Variants in TMEM154 observed in about 807,000 individuals in gnomAD.
The protein encoded by TMEM154 is transmembrane protein 154.
TMEM154 carries 27 observed loss-of-function variants against 24.5 expected under a neutral mutation model. That is an observed-to-expected ratio of 1.10 (90% CI 0.81 to 1.52). The LOEUF is 1.52. Ranked by LOEUF, TMEM154 falls within the 40% of genes most tolerant of loss-of-function variation. TMEM154 has a pLI of 0.00. For synonymous variants in TMEM154, 67 were observed against 76.8 expected (o/e 0.87, Z 0.67); for missense variants, 228 against 213.4 (o/e 1.07, Z -0.43).
At chr4:152,678,889 G>C (rs1446120659) in intron 1 of TMEM154, among the ~76,000 whole-genome samples, 1 of 152,198 alleles carries the variant, frequency 6.6e-6, no homozygotes, top group Non-Finnish European at 1.5e-5. Context: ...GGGGTGGCTG[G>C]GTGCTGGCTG....
rs149155097 is a variant in TMEM154, at chr4:152,665,236, G to A, written c.65-12309C>T. Among the ~76,000 whole-genome samples, 44 of 152,228 alleles carry A rather than the reference G, an allele frequency of 2.9e-4. No homozygotes were observed. The East Asian group carries it at 8.3e-3, about 29-fold the overall frequency. ...AATATCGATCAATCTAAATATTTAG[G>A]GGTAGAACCCAGGTCTCAATAATTT... On this transcript the variant is annotated intron_variant, in intron 1 of 6. Coordinates refer to ENST00000304385, the MANE Select transcript of TMEM154 (RefSeq NM_152680.3).
Position 152,628,447 on chromosome 4 carries a change from G to C in TMEM154, c.*99C>G, listed in dbSNP as rs1403272433. 6.4e-7 allele frequency: 1 copy of C among 1,574,144 alleles called. No individual in the cohort carries two copies. Among genetic ancestry groups the C allele is most frequent in the Non-Finnish European group, 8.7e-7 (1 of 1,149,172 alleles). ...AAGGTTCTTGTGTCTATGTTGATTT[G>C]AAATTAATTAAATTTGTATCCTCTT... On this transcript the variant is annotated 3_prime_UTR_variant, in exon 7 of 7. Coordinates refer to ENST00000304385, the MANE Select transcript of TMEM154 (RefSeq NM_152680.3).
chr4:152,642,164 C>A (rs1752271540), intron 5 of TMEM154, among the ~76,000 whole-genome samples: 1 of 151,768 alleles, frequency 6.6e-6, no homozygotes, highest in South Asian at 2.1e-4. Flanking sequence ...GGTTATCCAC[C>A]CGCCTCGGCC....
At chr4:152,636,018 G>A (rs190526033) in intron 6 of TMEM154, among the ~76,000 whole-genome samples, 2 of 152,168 alleles carry the variant, frequency 1.3e-5, no homozygotes, top group African/African-American at 4.8e-5. Flanking sequence ...GAAACACGAA[G>A]CTTTCAGGAA....
rs1561042688 is a variant in TMEM154 at position 152,628,600 on chromosome 4, A to AAAAAAAC, written c.537-40_537-39insGTTTTTT. On this transcript the variant is annotated intron_variant, in intron 6 of 6. Transcript: ENST00000304385. ...AAAAAAAAAAAAAAAAAACAAAAAA[A>AAAAAAAC]ACACACACACACACACAAAACAGTA... is the stretch of plus-strand genomic sequence containing the variant. 64 of 989,710 alleles carry AAAAAAAC rather than the reference A, an allele frequency of 6.5e-5. 1 individual carries two copies. Among genetic ancestry groups the AAAAAAAC allele is most frequent in the South Asian group, 1.4e-4 (9 of 63,304 alleles). 61.3% of individuals were successfully genotyped at this position (989,710 alleles called of 1,614,324 possible).
intron 1 of TMEM154, among the ~76,000 whole-genome samples, chr4:152,664,237 A>G (rs1192686293): frequency 1.3e-5 from 2 of 152,208 alleles, no homozygotes; most frequent in Non-Finnish European, 2.9e-5. Flanking sequence ...ACATGGATGA[A>G]ACTGGAAGCC....
Position 152,679,888 on chromosome 4 carries a change from G to A in TMEM154, c.46C>T (p.Leu16Phe), listed in dbSNP as rs202190562. Residue 16 changes from leucine to phenylalanine, a missense_variant, in exon 1 of 7, where the codon CTC (leucine) becomes TTC (phenylalanine). Leu to Phe is a conservative substitution (Grantham distance 22). Transcript: ENST00000304385. ...AALVFALVIA[L>F]VPVGRGNYEE... ...GGCTTACCCCGGCCGACGGGAACGA[G>A]CGCGATCACCAGGGCGAAGACTAGG... is the stretch of plus-strand genomic sequence containing the variant. 1.2e-6 allele frequency: 2 copies of A among 1,610,492 alleles called. No homozygotes were observed. The highest frequency in any genetic ancestry group is 1.7e-5 in the Admixed American group (1 of 59,618).
In TMEM154 at chr4:152,624,196, A is replaced by G. The variant is rs1228022425; in HGVS notation, c.*4350T>C. 6.6e-6 allele frequency: 1 copy of G among 152,238 alleles called. No homozygotes were observed. Among genetic ancestry groups the G allele is most frequent in the African/African-American group, 2.4e-5 (1 of 41,462 alleles). 9.4% of individuals were successfully genotyped at this position (152,238 alleles called of 1,614,324 possible). A position where few individuals can be genotyped will look rare whatever the true frequency, so the allele number is the denominator to read the frequency against. On this transcript the variant is annotated 3_prime_UTR_variant, in exon 7 of 7. Transcript: ENST00000304385. ...CAAAAAGAGCTTAGAGCATGTACAG[A>G]GTTCATATAAAGCTCTATTTTACAT...
intron 1 of TMEM154, among the ~76,000 whole-genome samples, chr4:152,678,261 G>C (rs1456009246): frequency 1.3e-5 from 2 of 151,946 alleles, no homozygotes; most frequent in East Asian, 3.9e-4. Context: ...ATCAGATTCA[G>C]GTGTCAGAAA....
At chr4:152,628,596 AAAAAAC>A (rs749839686) in intron 6 of TMEM154, 35 bp from the exon 7 acceptor site, 62 of 1,173,888 alleles carry the variant, frequency 5.3e-5, no homozygotes, top group East Asian at 8.1e-5. Flanking sequence ...AAAAAAACAA[AAAAAAC>A]ACACACACAC....
intron 1 of TMEM154, among the ~76,000 whole-genome samples, chr4:152,660,081 G>A (rs768256329): frequency 2.4e-4 from 36 of 152,276 alleles, no homozygotes; most frequent in Admixed American, 1.0e-3. Context: ...AATTGGGTAA[G>A]TCAATAATGT....
intron 3 of TMEM154, among the ~76,000 whole-genome samples, chr4:152,645,056 C>A (rs1443985289): frequency 6.6e-6 from 1 of 152,190 alleles, no homozygotes; most frequent in Non-Finnish European, 1.5e-5. Context: ...TGCTCCCCAG[C>A]TCAGCACCTT....
chr4:152,633,976 C>A (rs1192792131), intron 6 of TMEM154, among the ~76,000 whole-genome samples: 1 of 136,150 alleles, frequency 7.3e-6, no homozygotes, highest in African/African-American at 2.8e-5. Flanking sequence ...CTGTAGTGAG[C>A]TGAGATCACA....
At chr4:152,649,860 T>C (rs1195982404) in intron 3 of TMEM154, among the ~76,000 whole-genome samples, 1 of 152,204 alleles carries the variant, frequency 6.6e-6, no homozygotes, top group African/African-American at 2.4e-5. Context: ...AGTATTGCAA[T>C]AAAGCAAGTC....
chr4:152,663,485 G>T (rs532710478), intron 1 of TMEM154, among the ~76,000 whole-genome samples: 17 of 152,342 alleles, frequency 1.1e-4, no homozygotes, highest in African/African-American at 3.6e-4. Context: ...GGTCAGTCTT[G>T]CGTGGCTTCA....
chr4:152,661,449 T>C (rs1265278508), intron 1 of TMEM154, among the ~76,000 whole-genome samples: 1 of 152,104 alleles, frequency 6.6e-6, no homozygotes, highest in Non-Finnish European at 1.5e-5. Flanking sequence ...TCTAATTCGA[T>C]CTTCACAACT....
chr4:152,655,157 T>C (rs1279624963), intron 1 of TMEM154, among the ~76,000 whole-genome samples: 2 of 152,150 alleles, frequency 1.3e-5, no homozygotes, highest in Non-Finnish European at 1.5e-5. Context: ...TTTGAATTGA[T>C]CATTTAAGGG....
At chr4:152,639,908 C>T (rs962616689) in intron 6 of TMEM154, 1 of 152,738 alleles carries the variant, frequency 6.5e-6, no homozygotes, top group Non-Finnish European at 1.5e-5. Context: ...TGAGGTTTGT[C>T]TGAGTAAGAC....
At chr4:152,671,469 C>G (rs1041949860) in intron 1 of TMEM154, among the ~76,000 whole-genome samples, 1 of 151,992 alleles carries the variant, frequency 6.6e-6, no homozygotes, top group African/African-American at 2.4e-5. Flanking sequence ...TAGCCTAGGC[C>G]GGGCGCGGTG....
Sources: gnomAD v4.1 joint callset for allele counts (sites outside exome capture counted in the v4.1 genomes callset) on GRCh38, gnomAD v4.1.1 for gene constraint, MANE v1.5 for transcripts, NCBI Gene and HGNC (gene_info 2026-07-23, HGNC 2026-07-21) for gene names.